Variants in ZNF454 observed in about 807,000 individuals in gnomAD.
ZNF454 encodes zinc finger protein 454.
In ZNF454, 30 loss-of-function variants were observed where a neutral mutation model predicts 48.2. The ratio of observed to expected loss-of-function variants is 0.62; its 90% CI spans 0.47 to 0.84. ZNF454 has a LOEUF of 0.84. Among genes scored for constraint, ZNF454 ranks in the 40% least tolerant of loss-of-function variants. The pLI is 0.00. For synonymous variants in ZNF454, 204 were observed against 211.4 expected (o/e 0.97, Z 0.30); for missense variants, 510 against 623.1 (o/e 0.82, Z 1.93).
chr5:178,989,208 C>CCCACCCTCA, the ZNF454 span: 4 of 373,770 alleles, frequency 1.1e-5, no homozygotes, highest in Non-Finnish European at 1.1e-5. Flanking sequence ...CTTCCCCCTC[C>CCCACCCTCA]CCACCCTCAC....
At chr5:178,943,488 A>T (rs1329757861) in intron 2 of ZNF454, among the ~76,000 whole-genome samples, 1 of 152,100 alleles carries the variant, frequency 6.6e-6, no homozygotes, top group East Asian at 1.9e-4. Context: ...CCCCTCCAAC[A>T]TTGGAGGTCA....
In ZNF454 at chr5:178,941,464, C is replaced by T. The variant is rs868644445; in HGVS notation, c.-108+20C>T. On this transcript the variant is annotated intron_variant, in intron 1 of 4. Transcript: ENST00000519564. The surrounding 1 kb of genome is among the most constrained non-coding windows in gnomAD (Gnocchi z 5.5). ...CGGAATGTATGTCTGAGATTTGATC[C>T]CAGAGAGGGAGGACGGCCAGGGGTG... is the stretch of plus-strand genomic sequence containing the variant. The T allele has an allele frequency of 1.3e-5, 6 of 456,216 alleles. No individual in the cohort carries two copies. The Middle Eastern group carries it at 2.0e-3, about 148-fold the overall frequency. The allele number at this position is 456,216 out of a possible 1,614,324, so 28.3% of individuals were successfully genotyped here. A position where few individuals can be genotyped will look rare whatever the true frequency, so the allele number is the denominator to read the frequency against.
In ZNF454 at chr5:178,946,850, T is replaced by C; in HGVS notation, c.161-47T>C. 6.5e-7 allele frequency: 1 copy of C among 1,535,284 alleles called. No individual in the cohort carries two copies. Among genetic ancestry groups the C allele is most frequent in the Non-Finnish European group, 9.0e-7 (1 of 1,114,522 alleles). ...CTTTGTCTTTGCAGTGATTTTTATC[T>C]CTCGTATAAACAGATGTGGTTCATT... On this transcript the variant is annotated intron_variant, in intron 3 of 4. Transcript: ENST00000519564. The surrounding 1 kb of genome is among the most constrained non-coding windows in gnomAD (Gnocchi z 4.5).
In ZNF454 at chr5:178,946,562, G is replaced by A; in HGVS notation, c.160+77G>A. ...ACCCTTACATTGACACCATATAGAA[G>A]AGTCGGTTGGACCAACTGAGGACGC... On this transcript the variant is annotated intron_variant, in intron 3 of 4. Coordinates refer to ENST00000519564, the MANE Select transcript of ZNF454 (RefSeq NM_001178089.3). This position sits in a 1 kb window ranked among gnomAD's most constrained non-coding sequence, Gnocchi z 4.5. 1.3e-6 allele frequency: 2 copies of A among 1,514,748 alleles called. No homozygotes were observed. The highest frequency in any genetic ancestry group is 1.8e-6 in the Non-Finnish European group (2 of 1,133,778). The allele number at this position is 1,514,748 out of a possible 1,614,324, so 93.8% of individuals were successfully genotyped here. A position where few individuals can be genotyped will look rare whatever the true frequency, so the allele number is the denominator to read the frequency against.
the ZNF454 span, among the ~76,000 whole-genome samples, chr5:178,971,834 C>CGACAG: frequency 8.3e-6 from 1 of 120,682 alleles, no homozygotes; most frequent in Non-Finnish European, 1.7e-5. Context: ...CCAGGCTGGG[C>CGACAG]AGCGAGACTC....
chr5:178,973,774 C>T, the ZNF454 span, among the ~76,000 whole-genome samples: 2,339 of 145,702 alleles, frequency 0.016, 66 homozygotes, highest in African/African-American at 0.057. Flanking sequence ...ACCCAGGAGG[C>T]GGAGCTTGCA....
At chr5:178,964,221 C>T (rs1581881511) in intron 4 of ZNF454, among the ~76,000 whole-genome samples, 1 of 151,654 alleles carries the variant, frequency 6.6e-6, no homozygotes, top group South Asian at 2.1e-4. Flanking sequence ...CCCGGGTTCA[C>T]ACCATTCTCC....
At chr5:178,961,489 A>C (rs1254792933) in intron 4 of ZNF454, among the ~76,000 whole-genome samples, 1 of 151,692 alleles carries the variant, frequency 6.6e-6, no homozygotes, top group Non-Finnish European at 1.5e-5. Flanking sequence ...TACTTTTAAT[A>C]AAATTAAAAT....
chr5:178,947,768 G>T (rs1759395030), intron 4 of ZNF454, among the ~76,000 whole-genome samples: 1 of 152,098 alleles, frequency 6.6e-6, no homozygotes, highest in Non-Finnish European at 1.5e-5. Context: ...CTAGCATTTT[G>T]CAGGCTGTGG....
At chr5:178,959,292 C>T (rs1470690831) in intron 4 of ZNF454, among the ~76,000 whole-genome samples, 1 of 152,162 alleles carries the variant, frequency 6.6e-6, no homozygotes, top group Non-Finnish European at 1.5e-5. Flanking sequence ...ACGTGGGTCT[C>T]ATTCCGGGTT....
At chr5:178,971,404 G>T (rs968750064), downstream of ZNF454, among the ~76,000 whole-genome samples, 2 of 152,136 alleles carry the variant, frequency 1.3e-5, no homozygotes, top group Non-Finnish European at 1.5e-5. Context: ...AAGGATGGGG[G>T]TGTCCCTAGG....
At chr5:178,975,679 G>T in the ZNF454 span, 2 of 426,980 alleles carry the variant, frequency 4.7e-6, no homozygotes, top group Admixed American at 4.9e-5. Context: ...GGCCACACAT[G>T]GTATACATAC....
At chr5:178,987,042 G>T in the ZNF454 span, 1 of 1,558,688 alleles carries the variant, frequency 6.4e-7, no homozygotes. Context: ...TGGCCTCCTG[G>T]GGAGGCCCCA....
At chr5:178,947,932 T>G (rs1260339371) in intron 4 of ZNF454, among the ~76,000 whole-genome samples, 1 of 152,232 alleles carries the variant, frequency 6.6e-6, no homozygotes. Context: ...TTTTATTTTT[T>G]GAGACGGAGC....
chr5:178,986,495 C>A, the ZNF454 span: 1 of 1,609,862 alleles, frequency 6.2e-7, no homozygotes, highest in South Asian at 1.1e-5. Context: ...AGCGGCGGGG[C>A]TGCCCAGGGG....
the ZNF454 span, chr5:178,981,835 G>A: frequency 8.7e-6 from 14 of 1,611,626 alleles, no homozygotes; most frequent in African/African-American, 2.7e-5. The surrounding 1 kb of genome is among the most constrained non-coding windows in gnomAD (Gnocchi z 5.1). Flanking sequence ...CACGGTTAGC[G>A]TGGTTGTCTG....
rs1370121625 is a variant in ZNF454 at position 178,964,876 on chromosome 5, A to G, written c.472A>G (p.Thr158Ala). Residue 158 changes from threonine (T) to alanine (A), a missense_variant, in exon 5 of 5, where the codon ACT (threonine) becomes GCT (alanine). Physicochemically the swap from Thr to Ala is moderately conservative, Grantham distance 58. Around this residue, in one of 3 missense-constraint regions of ZNF454, gnomAD observed 354 missense variants for 408.9 expected, o/e 0.87. Transcript: ENST00000519564. Reference sequence around the variant, plus strand: ...ACAGGAATGTGATGAATCCGGGAGCACTATGAGCTCATCTCTTCACAGTGA... The same window carrying G: ...ACAGGAATGTGATGAATCCGGGAGCGCTATGAGCTCATCTCTTCACAGTGA... ...PSQECDESGS[T>A]MSSSLHSDQS... 1 of 1,614,122 alleles carries G rather than the reference A, an allele frequency of 6.2e-7. No homozygotes were observed. The highest frequency in any genetic ancestry group is 1.3e-5 in the African/African-American group (1 of 74,934).
the ZNF454 span, among the ~76,000 whole-genome samples, chr5:178,982,488 G>A: frequency 3.4e-5 from 5 of 145,052 alleles, no homozygotes; most frequent in African/African-American, 1.3e-4. Context: ...TGAGGCTGGA[G>A]AATCACTTGA....
downstream of ZNF454, chr5:178,969,497 C>T (rs1295287854): frequency 2.2e-6 from 1 of 456,814 alleles, no homozygotes; most frequent in Non-Finnish European, 4.4e-6. Flanking sequence ...CCAGCTGTGA[C>T]AAGATGAAGG....
Sources: allele counts gnomAD v4.1 joint callset (sites outside exome capture counted in the v4.1 genomes callset), GRCh38; gene constraint gnomAD v4.1.1; regional missense constraint gnomAD v4.1.1; non-coding constraint Gnocchi (gnomAD v3.1); transcripts MANE v1.5; gene names NCBI Gene and HGNC (gene_info 2026-07-23, HGNC 2026-07-21).